The following C4orf36 variants were observed in gnomAD, a reference collection of about 807,000 sequenced individuals.
C4orf36 encodes the protein uncharacterized protein C4orf36.
In C4orf36, 11 loss-of-function variants were observed where a neutral mutation model predicts 12.2. The ratio of observed to expected loss-of-function variants is 0.90; its 90% CI spans 0.57 to 1.49. The LOEUF (loss-of-function observed/expected upper bound fraction) is 1.49, where lower values mean the gene tolerates loss of function less well. Among genes scored for constraint, C4orf36 ranks in the 40% most tolerant of loss-of-function variants. The probability of loss-of-function intolerance (pLI) is 0.00; values close to 1 mark genes in which losing one functional copy is unlikely to be tolerated. For synonymous variants in C4orf36, 54 were observed against 51.3 expected (o/e 1.05, Z -0.22); for missense variants, 137 against 133.9 (o/e 1.02, Z -0.11).
At chr4:86,914,281 C>A in the C4orf36 span, 5 of 1,602,230 alleles carry the variant, frequency 3.1e-6, no homozygotes, top group Non-Finnish European at 4.3e-6. Context: ...TGGTCTGCCC[C>A]ACAAGTGACG....
At chr4:86,906,312 T>C in the C4orf36 span, among the ~76,000 whole-genome samples, 1 of 152,192 alleles carries the variant, frequency 6.6e-6, no homozygotes, top group African/African-American at 2.4e-5. Context: ...GATTGAACAA[T>C]ACTTCTCAGA....
the C4orf36 span, among the ~76,000 whole-genome samples, chr4:86,912,754 A>C: frequency 1.3e-5 from 2 of 152,250 alleles, no homozygotes; most frequent in African/African-American, 4.8e-5. Context: ...GAGTGTATAC[A>C]TATAAATGTG....
chr4:86,925,525 A>G, the C4orf36 span: 4 of 152,150 alleles, frequency 2.6e-5, no homozygotes, highest in Non-Finnish European at 1.5e-5. Context: ...CCCCCAAACT[A>G]TAACAATTTG....
At chr4:86,930,402 C>G in the C4orf36 span, among the ~76,000 whole-genome samples, 66 of 152,354 alleles carry the variant, frequency 4.3e-4, 1 homozygote, top group African/African-American at 1.5e-3. Context: ...AGTTCAAATT[C>G]TACTTCTACT....
chr4:86,890,179 AAGGGAGGG>A (rs34643066), intron 2 of C4orf36: 5 of 194,294 alleles, frequency 2.6e-5, no homozygotes, highest in East Asian at 2.7e-4. Context: ...AGAAGGAAAG[AAGGGAGGG>A]AGGGAGGGAG....
intron 4 of C4orf36, among the ~76,000 whole-genome samples, chr4:86,879,690 A>G (rs190353105): frequency 1.9e-3 from 283 of 152,312 alleles, no homozygotes; most frequent in Non-Finnish European, 2.6e-3. Flanking sequence ...AAAGCCCAAC[A>G]AACTCCAACT....
At chr4:86,887,118 T>TG (rs1204091975) in intron 4 of C4orf36, 7 of 124,700 alleles carry the variant, frequency 5.6e-5, no homozygotes, top group Non-Finnish European at 1.2e-4. Context: ...TGTTGTGGGG[T>TG]GGGGGTATGG....
chr4:86,916,259 A>G, the C4orf36 span, among the ~76,000 whole-genome samples: 1 of 151,948 alleles, frequency 6.6e-6, no homozygotes, highest in Non-Finnish European at 1.5e-5. Context: ...CTTGGAAAGG[A>G]CATAGACTAC....
At chr4:86,904,417 G>A in the C4orf36 span, among the ~76,000 whole-genome samples, 1 of 152,170 alleles carries the variant, frequency 6.6e-6, no homozygotes, top group Non-Finnish European at 1.5e-5. Context: ...CCAAGGCCGA[G>A]GAGGCGCGGA....
chr4:86,916,996 A>G, the C4orf36 span, among the ~76,000 whole-genome samples: 1 of 152,294 alleles, frequency 6.6e-6, no homozygotes, highest in East Asian at 1.9e-4. Flanking sequence ...ATTTACAATC[A>G]CAGCTGGGTG....
the C4orf36 span, among the ~76,000 whole-genome samples, chr4:86,916,130 G>A: frequency 6.6e-6 from 1 of 152,190 alleles, no homozygotes; most frequent in Non-Finnish European, 1.5e-5. Context: ...GAGGACAGAA[G>A]TATGTACTTC....
At chr4:86,919,143 AGAGAG>A in the C4orf36 span, among the ~76,000 whole-genome samples, 4 of 151,242 alleles carry the variant, frequency 2.6e-5, 1 homozygote, top group East Asian at 5.8e-4. Context: ...AGAGAGAGAG[AGAGAG>A]AAATCCTTTT....
At position 86,887,869 on chromosome 4, in the gene C4orf36, T is replaced by A; in HGVS notation, c.245A>T (p.Glu82Val). Residue 82 changes from glutamate to valine, a missense_variant, in exon 4 of 5, where the codon GAA becomes GTA. Glu to Val is a moderately radical substitution (Grantham distance 121, BLOSUM62 -2). Transcript: ENST00000295898. ...CTTCAGTTTACAAAGACGCTTCACT[T>A]CATACTCCCTTTCGAGTTTGATAGC... is the stretch of plus-strand genomic sequence containing the variant. ...AESIKLEREY[E>V]VKRLCKLKCQ... 1 of 1,614,142 alleles carries A rather than the reference T, an allele frequency of 6.2e-7. No individual in the cohort carries two copies. The highest frequency in any genetic ancestry group is 8.5e-7 in the Non-Finnish European group (1 of 1,180,022).
At chr4:86,927,481 A>G in the C4orf36 span, among the ~76,000 whole-genome samples, 877 of 152,330 alleles carry the variant, frequency 5.8e-3, 13 homozygotes, top group African/African-American at 0.02. Context: ...GCAAAAGTGA[A>G]GTCAGAAAGA....
At chr4:86,932,600 T>C in the C4orf36 span, among the ~76,000 whole-genome samples, 2 of 152,062 alleles carry the variant, frequency 1.3e-5, no homozygotes, top group South Asian at 4.1e-4. Flanking sequence ...TTAGGTGCTC[T>C]GAGAATACAT....
the C4orf36 span, among the ~76,000 whole-genome samples, chr4:86,932,472 G>C: frequency 1.3e-5 from 2 of 151,778 alleles, no homozygotes; most frequent in African/African-American, 4.8e-5. Context: ...CTTGGATCTT[G>C]CACAACTGCA....
chr4:86,903,549 C>G, the C4orf36 span, among the ~76,000 whole-genome samples: 1 of 152,196 alleles, frequency 6.6e-6, no homozygotes, highest in African/African-American at 2.4e-5. Context: ...AAGCTGCAGA[C>G]CTTCATGGTG....
At chr4:86,913,064 T>TA in the C4orf36 span, among the ~76,000 whole-genome samples, 162 of 142,384 alleles carry the variant, frequency 1.1e-3, no homozygotes, top group Middle Eastern at 0.014. Context: ...GAAGTCGCAA[T>TA]AAAAAAAAAA....
At position 86,876,351 on chromosome 4, in the gene C4orf36, AC is replaced by A. The variant is rs1212597856; in HGVS notation, c.*94del. The stretch of plus-strand genomic sequence containing the variant: ...GGGCCAGGATGGCTGCAGCGCAGCG[AC>A]GGCCGGGGCCGGGAGCGGGTCCTGG... On this transcript the variant is annotated 3_prime_UTR_variant, in exon 5 of 5. Coordinates refer to ENST00000295898, the MANE Select transcript of C4orf36 (RefSeq NM_144645.4). 1 of 1,562,400 alleles carries A rather than the reference AC, an allele frequency of 6.4e-7. No homozygotes were observed. The highest frequency in any genetic ancestry group is 8.6e-7 in the Non-Finnish European group (1 of 1,156,644).
Sources: gnomAD v4.1 joint callset for allele counts (sites outside exome capture counted in the v4.1 genomes callset) on GRCh38, gnomAD v4.1.1 for gene constraint, MANE v1.5 for transcripts, NCBI Gene and HGNC (gene_info 2026-07-23, HGNC 2026-07-21) for gene names.